Variants in PTPN20 observed in about 807,000 individuals in gnomAD.
PTPN20 encodes protein tyrosine phosphatase non-receptor type 20, also known as tyrosine-protein phosphatase non-receptor type 20.
Under a neutral mutation model 35.0 loss-of-function variants are expected in PTPN20, and 9 were observed. That is an observed-to-expected ratio of 0.26 (90% CI 0.15 to 0.45). The LOEUF (loss-of-function observed/expected upper bound fraction) is 0.45. PTPN20 is among the 20% of genes least tolerant of loss of function. The pLI, the probability that PTPN20 is intolerant of heterozygous loss-of-function variation, is 1.00. For synonymous variants in PTPN20, 32 were observed against 100.2 expected, an observed-to-expected ratio of 0.32 and a Z score of 4.06; for missense variants, 111 against 312.5, an observed-to-expected ratio of 0.36 and a Z score of 4.86.
Position 46,991,708 on chromosome 10 carries a change from T to C in PTPN20, c.1134+4153T>C, listed in dbSNP as rs1589938103. 2.8e-5 allele frequency among the ~76,000 whole-genome samples: 4 copies of C among 145,318 alleles called. No individual in the cohort carries two copies. In the East Asian group the frequency reaches 7.9e-4, roughly 29 times the overall value. ...AGCTTTCTTTGGAAGAATATCAAAT[T>C]ATTGTTTGGAGTTTATTTTATTTAA... On this transcript the variant is annotated intron_variant, in intron 9 of 10. Coordinates refer to ENST00000374339, the MANE Select transcript of PTPN20 (RefSeq NM_001042357.5).
intron 2 of PTPN20, 163 bp from the exon 3 acceptor site, chr10:46,940,460 A>T: frequency 1.5e-6 from 1 of 673,030 alleles, no homozygotes; most frequent in Non-Finnish European, 2.6e-6. Context: ...AAAGCAGGGG[A>T]GAAAGAGATG....
rs1414638550 is a variant in PTPN20 at position 46,923,140 on chromosome 10, T to C, written c.-123-9237T>C. ...GAGAAGACTGTTGTGGTTTAAATTG[T>C]GTGAGACAGTTGAATCGTGCTGTCC... On this transcript the variant is annotated intron_variant, in intron 1 of 10. Transcript: ENST00000374339. 9.7e-5 allele frequency among the ~76,000 whole-genome samples: 14 copies of C among 143,944 alleles called. 2 individuals carry two copies. The highest frequency in any genetic ancestry group is 4.0e-4 in the African/African-American group (14 of 34,910). The allele number at this position is 143,944 out of a possible 152,430, so 94.4% of individuals were successfully genotyped here. A position where few individuals can be genotyped will look rare whatever the true frequency, so the allele number is the denominator to read the frequency against.
intron 5 of PTPN20, among the ~76,000 whole-genome samples, chr10:46,950,775 T>C (rs1331149543): frequency 2.4e-4 from 36 of 152,070 alleles, no homozygotes; most frequent in Non-Finnish European, 4.6e-4. Flanking sequence ...TATAATAGTT[T>C]ATCTAAGAAT....
At chr10:46,945,580 A>G (rs1243216936) in intron 4 of PTPN20, among the ~76,000 whole-genome samples, 10 of 152,360 alleles carry the variant, frequency 6.6e-5, no homozygotes, top group Non-Finnish European at 1.2e-4. Context: ...GCCTTGATTT[A>G]TCCTGATATT....
chr10:46,992,331 C>T (rs2058142141), intron 9 of PTPN20, among the ~76,000 whole-genome samples: 1 of 152,014 alleles, frequency 6.6e-6, no homozygotes, highest in Non-Finnish European at 1.5e-5. Context: ...CCATGTTGGC[C>T]AGGCAGGTCT....
chr10:46,996,484 T>A (rs2059127435), intron 9 of PTPN20, among the ~76,000 whole-genome samples: 1 of 152,226 alleles, frequency 6.6e-6, no homozygotes, highest in South Asian at 2.1e-4. Context: ...TTACAGTTTT[T>A]AATTCTGATG....
intron 1 of PTPN20, among the ~76,000 whole-genome samples, chr10:46,924,018 T>C (rs1362845821): frequency 6.6e-6 from 1 of 152,008 alleles, no homozygotes; most frequent in African/African-American, 2.4e-5. Context: ...AGAAAAGGAA[T>C]TGACTTTTGC....
At chr10:46,951,448 C>G (rs1555146160) in intron 5 of PTPN20, among the ~76,000 whole-genome samples, 1 of 152,210 alleles carries the variant, frequency 6.6e-6, no homozygotes, top group African/African-American at 2.4e-5. Context: ...TAAATTGTAA[C>G]CCTCAATTCT....
intron 5 of PTPN20, among the ~76,000 whole-genome samples, chr10:46,954,581 A>G (rs1374042351): frequency 6.9e-6 from 1 of 145,724 alleles, no homozygotes. Context: ...TTGATGTCTT[A>G]TCTTAACTGA....
intron 5 of PTPN20, among the ~76,000 whole-genome samples, chr10:46,957,562 C>CT (rs2048767469): frequency 6.6e-6 from 1 of 152,034 alleles, no homozygotes; most frequent in South Asian, 2.1e-4. Flanking sequence ...CATGTCTCTA[C>CT]TAAAGAAAAA....
intron 5 of PTPN20, among the ~76,000 whole-genome samples, chr10:46,951,787 CACTA>C (rs2046786404): frequency 7.3e-6 from 1 of 136,362 alleles, no homozygotes; most frequent in Non-Finnish European, 1.6e-5. Context: ...AATTTTTTTT[CACTA>C]ACTGACTTGT....
At chr10:46,981,313 T>C (rs1195152401) in intron 7 of PTPN20, 1 of 143,426 alleles carries the variant, frequency 7.0e-6, no homozygotes, top group Non-Finnish European at 1.5e-5. Context: ...TCATTGCCCA[T>C]AGGTCTCATG....
chr10:46,949,856 C>A (rs2046152386), intron 5 of PTPN20, among the ~76,000 whole-genome samples: 1 of 63,698 alleles, frequency 1.6e-5, no homozygotes, highest in Non-Finnish European at 2.8e-5. Flanking sequence ...AGGATTAATG[C>A]CTAGAAAATA....
At chr10:46,981,307 T>C (rs2055304844) in intron 7 of PTPN20, 1 of 143,042 alleles carries the variant, frequency 7.0e-6, no homozygotes. Flanking sequence ...ATTGTGTCAT[T>C]GCCCATAGGT....
At chr10:46,925,836 C>T (rs1309691143) in intron 1 of PTPN20, among the ~76,000 whole-genome samples, 1 of 151,642 alleles carries the variant, frequency 6.6e-6, no homozygotes, top group Non-Finnish European at 1.5e-5. Flanking sequence ...GCCCATAGCC[C>T]TTTTCTAAAT....
At chr10:46,940,893 A>G (rs1555134690) in intron 3 of PTPN20, among the ~76,000 whole-genome samples, 176 bp downstream of exon 3, 1 of 151,834 alleles carries the variant, frequency 6.6e-6, no homozygotes, top group Non-Finnish European at 1.5e-5. Context: ...ATTTTTTGCA[A>G]AGTTTCTAAT....
At chr10:46,926,701 A>G (rs1455407007) in intron 1 of PTPN20, among the ~76,000 whole-genome samples, 1 of 151,512 alleles carries the variant, frequency 6.6e-6, no homozygotes, top group Non-Finnish European at 1.5e-5. Flanking sequence ...TGGCTAAGAT[A>G]TGGTAGACTG....
intron 5 of PTPN20, among the ~76,000 whole-genome samples, chr10:46,949,536 A>C (rs1351997898): frequency 3.2e-3 from 480 of 151,980 alleles, no homozygotes; most frequent in Non-Finnish European, 5.4e-3. Flanking sequence ...TAATGGGTTC[A>C]ATAAAATTTT....
chr10:47,002,752 A>C (rs2060127885), downstream of PTPN20, among the ~76,000 whole-genome samples: 1 of 151,922 alleles, frequency 6.6e-6, no homozygotes, highest in Non-Finnish European at 1.5e-5. Flanking sequence ...CTTACATGTT[A>C]GACCAAAGCT....
Sources: allele counts gnomAD v4.1 joint callset (sites outside exome capture counted in the v4.1 genomes callset), GRCh38; gene constraint gnomAD v4.1.1; transcripts MANE v1.5; gene names NCBI Gene and HGNC (gene_info 2026-07-23, HGNC 2026-07-21).